Variants in DOCK3 observed in about 807,000 individuals in gnomAD.
The protein encoded by DOCK3 is dedicator of cytokinesis protein 3.
In DOCK3, 60 loss-of-function variants were observed where a neutral mutation model predicts 265.6. That is an observed-to-expected ratio of 0.23 (90% CI 0.18 to 0.28). The LOEUF (loss-of-function observed/expected upper bound fraction) is 0.28, where lower values mean the gene tolerates loss of function less well. Among genes scored for constraint, DOCK3 ranks in the 10% least tolerant of loss-of-function variants. The pLI, the probability that DOCK3 is intolerant of heterozygous loss-of-function variation, is 1.00. For missense variants in DOCK3, 1,981 were observed against 2,594.3 expected (o/e 0.76, Z 5.14); for synonymous variants, 881 against 938.0 (o/e 0.94, Z 1.11).
At chr3:51,260,121 C>G in intron 22 of DOCK3, 35 bp from the exon 23 acceptor site, 1 of 1,590,390 alleles carries the variant, frequency 6.3e-7, no homozygotes. Flanking sequence ...GCATCTTCAA[C>G]ATCTCTCCAT....
intron 39 of DOCK3, among the ~76,000 whole-genome samples, chr3:51,349,347 C>A (rs1249270774): frequency 6.6e-6 from 1 of 152,154 alleles, no homozygotes; most frequent in East Asian, 1.9e-4. Flanking sequence ...TTCTTTGATG[C>A]AGAATATTAA....
chr3:51,352,614 A>C (rs2086075603), intron 40 of DOCK3, among the ~76,000 whole-genome samples: 1 of 152,248 alleles, frequency 6.6e-6, no homozygotes, highest in African/African-American at 2.4e-5. Flanking sequence ...TCCACACAAG[A>C]TGCAATCTCA....
intron 3 of DOCK3, among the ~76,000 whole-genome samples, chr3:50,887,132 G>A (rs1001874419): frequency 6.6e-6 from 1 of 151,860 alleles, no homozygotes; most frequent in Non-Finnish European, 1.5e-5. Flanking sequence ...TAATAAAGAA[G>A]AAAAGAGAGA....
At chr3:51,241,175 C>T (rs940213090) in intron 21 of DOCK3, among the ~76,000 whole-genome samples, 8 of 152,088 alleles carry the variant, frequency 5.3e-5, no homozygotes, top group African/African-American at 1.7e-4. Flanking sequence ...ATTTCTCCTT[C>T]GCTTATGAAG....
intron 5 of DOCK3, among the ~76,000 whole-genome samples, chr3:51,027,811 A>C (rs2079883396): frequency 6.6e-6 from 1 of 151,832 alleles, no homozygotes; most frequent in Admixed American, 6.6e-5. Flanking sequence ...CTTTACATTG[A>C]GCCTATGGGT....
chr3:50,789,533 G>T (rs1435478565), intron 2 of DOCK3, among the ~76,000 whole-genome samples: 1 of 152,072 alleles, frequency 6.6e-6, no homozygotes, highest in Non-Finnish European at 1.5e-5. Context: ...TTTACTTGTG[G>T]TCTTTCTGTC....
intron 4 of DOCK3, among the ~76,000 whole-genome samples, chr3:50,904,464 G>T (rs913906334): frequency 1.3e-5 from 2 of 152,196 alleles, no homozygotes; most frequent in Non-Finnish European, 2.9e-5. Flanking sequence ...TCTAACTGGT[G>T]TGAGATAGTA....
intron 12 of DOCK3, among the ~76,000 whole-genome samples, chr3:51,188,000 C>T (rs910306410): frequency 6.6e-5 from 10 of 152,020 alleles, no homozygotes; most frequent in East Asian, 1.9e-4. Flanking sequence ...TGGTAGATAA[C>T]GTGGGCAGAG....
In DOCK3 at chr3:51,260,297, C is replaced by G; in HGVS notation, c.2326C>G (p.Arg776Gly). Residue 776 changes from arginine (R) to glycine (G), a missense_variant, in exon 23 of 53, where the codon CGA (arginine) becomes GGA (glycine). Physicochemically the swap from Arg to Gly is moderately radical, Grantham distance 125. Coordinates refer to ENST00000266037, the MANE Select transcript of DOCK3 (RefSeq NM_004947.5). ...SIRFVLSLDSRNSETLLFTQA... is the reference protein window; with the variant it reads ...SIRFVLSLDSGNSETLLFTQA... ...CCGGTTTGTGCTCAGTCTGGACAGC[C>G]GAAACTCAGAAACACTCCTTTTTAC... 1 of 1,613,754 alleles carries G rather than the reference C, an allele frequency of 6.2e-7. No homozygotes were observed. The highest frequency in any genetic ancestry group is 8.5e-7 in the Non-Finnish European group (1 of 1,179,804).
At chr3:50,907,745 A>G (rs943298869) in intron 4 of DOCK3, among the ~76,000 whole-genome samples, 2 of 152,042 alleles carry the variant, frequency 1.3e-5, no homozygotes, top group Admixed American at 1.3e-4. Context: ...CATTTAGCCC[A>G]TTTACATTTA....
At chr3:51,380,767 A>G (rs1480845248) in intron 52 of DOCK3, among the ~76,000 whole-genome samples, 2 of 152,094 alleles carry the variant, frequency 1.3e-5, no homozygotes, top group African/African-American at 2.4e-5. Context: ...TTATGTCAGT[A>G]TCCCAGAGCC....
chr3:51,000,627 C>A (rs1381398300), intron 5 of DOCK3, among the ~76,000 whole-genome samples: 1 of 151,568 alleles, frequency 6.6e-6, no homozygotes, highest in East Asian at 2.0e-4. Context: ...TATAAGGGAA[C>A]AAGCACTTAG....
At chr3:50,989,887 C>T (rs1247174871) in intron 5 of DOCK3, among the ~76,000 whole-genome samples, 2 of 151,972 alleles carry the variant, frequency 1.3e-5, no homozygotes, top group Non-Finnish European at 2.9e-5. Context: ...AAACCCAATC[C>T]AAGGAAAAGA....
At chr3:51,138,090 C>G (rs563830563) in intron 9 of DOCK3, among the ~76,000 whole-genome samples, 1 of 152,326 alleles carries the variant, frequency 6.6e-6, no homozygotes, top group East Asian at 1.9e-4. Flanking sequence ...CACCTGTCCC[C>G]TTAATTCTTA....
At chr3:50,988,256 T>G (rs1248448345) in intron 5 of DOCK3, among the ~76,000 whole-genome samples, 1 of 151,156 alleles carries the variant, frequency 6.6e-6, no homozygotes, top group Non-Finnish European at 1.5e-5. Context: ...CACAGCTGCT[T>G]TATTAAAATG....
rs543702491 is a variant in DOCK3, at chr3:51,359,162, G to A, written c.4884+1085G>A. On this transcript the variant is annotated intron_variant, in intron 46 of 52. Transcript: ENST00000266037. The surrounding 1 kb of genome is among the most constrained non-coding windows in gnomAD (Gnocchi z 4.8). Reference sequence around the variant, plus strand: ...GGCCACAGGAGCCCTGAGGGAGGTTGCACTACTTAAACTCAGTGGGCCTGA... The same window carrying A: ...GGCCACAGGAGCCCTGAGGGAGGTTACACTACTTAAACTCAGTGGGCCTGA... Among the ~76,000 whole-genome samples the A allele has an allele frequency of 2.0e-5, 3 of 152,348 alleles. No homozygotes were observed. The highest frequency in any genetic ancestry group is 4.1e-4 in the South Asian group (2 of 4,826).
At chr3:50,871,456 C>T (rs1483453056) in intron 3 of DOCK3, among the ~76,000 whole-genome samples, 12 of 151,508 alleles carry the variant, frequency 7.9e-5, no homozygotes, top group Admixed American at 6.6e-4. Flanking sequence ...TTTTTTTAAT[C>T]CTTGATCTTC....
chr3:51,050,445 A>G (rs2080953754), intron 5 of DOCK3, among the ~76,000 whole-genome samples: 2 of 152,202 alleles, frequency 1.3e-5, no homozygotes, highest in East Asian at 1.9e-4. Context: ...TGAGATTTAT[A>G]GAATTGTAGC....
intron 5 of DOCK3, among the ~76,000 whole-genome samples, chr3:50,938,183 A>G (rs1380429196): frequency 6.6e-6 from 1 of 152,128 alleles, no homozygotes. Flanking sequence ...GAAAACTACC[A>G]GGGAAAAAGG....
Sources: allele counts gnomAD v4.1 joint callset (sites outside exome capture counted in the v4.1 genomes callset), GRCh38; gene constraint gnomAD v4.1.1; non-coding constraint Gnocchi (gnomAD v3.1); transcripts MANE v1.5; gene names NCBI Gene and HGNC (gene_info 2026-07-23, HGNC 2026-07-21).